CMSS1: variants seen among roughly 807,000 people sequenced by gnomAD.
The protein encoded by CMSS1 is protein CMSS1.
A neutral mutation model predicts 43.5 loss-of-function variants in CMSS1; 33 were observed. The ratio of observed to expected loss-of-function variants is 0.76; its 90% CI spans 0.57 to 1.01. CMSS1 has a LOEUF of 1.01. Among genes scored for constraint, CMSS1 ranks in the 50% least tolerant of loss-of-function variants. The pLI, the probability that CMSS1 is intolerant of heterozygous loss-of-function variation, is 0.00. For synonymous variants in CMSS1, 115 were observed against 117.2 expected, an observed-to-expected ratio of 0.98 and a Z score of 0.12; for missense variants, 313 against 326.4, an observed-to-expected ratio of 0.96 and a Z score of 0.32.
chr3:99,984,156 T>A (rs931094530), intron 1 of CMSS1, among the ~76,000 whole-genome samples: 3 of 152,186 alleles, frequency 2.0e-5, no homozygotes, highest in African/African-American at 7.2e-5. Context: ...CATCACAAAT[T>A]GGCTTAAGCA....
chr3:99,915,240 G>T (rs146282615), intron 1 of CMSS1, among the ~76,000 whole-genome samples: 6 of 152,176 alleles, frequency 3.9e-5, no homozygotes, highest in African/African-American at 1.4e-4. Flanking sequence ...GAGATTAATG[G>T]AAAATAATAG....
intron 1 of CMSS1, among the ~76,000 whole-genome samples, chr3:99,900,784 G>A (rs1706410515): frequency 6.6e-6 from 1 of 152,204 alleles, no homozygotes; most frequent in Non-Finnish European, 1.5e-5. Context: ...TGCTGTTTCA[G>A]CCTCAGAGAT....
chr3:99,883,067 A>G (rs1251007304), intron 1 of CMSS1, among the ~76,000 whole-genome samples: 2 of 152,222 alleles, frequency 1.3e-5, no homozygotes, highest in Non-Finnish European at 1.5e-5. Context: ...CATCCAGTCT[A>G]CATCATAAAA....
At chr3:99,961,198 G>A (rs544888638) in intron 1 of CMSS1, among the ~76,000 whole-genome samples, 2 of 152,236 alleles carry the variant, frequency 1.3e-5, no homozygotes, top group Non-Finnish European at 2.9e-5. Context: ...GGATGAGGGA[G>A]GTGGTGCGGA....
rs1022695064 is a variant in CMSS1, at chr3:99,827,093, C to T, written c.64+9050C>T. On this transcript the variant is annotated intron_variant, in intron 1 of 9. Coordinates refer to ENST00000421999, the MANE Select transcript of CMSS1 (RefSeq NM_032359.4). ...TTTTGAACTCCAAATAGTATTCTCACTTTATAGTTGTATTTGCATTTTTAT... is the reference window on the plus strand; with the variant it reads ...TTTTGAACTCCAAATAGTATTCTCATTTTATAGTTGTATTTGCATTTTTAT... 2.6e-5 allele frequency among the ~76,000 whole-genome samples: 4 copies of T among 152,270 alleles called. No individual in the cohort carries two copies. The South Asian group carries it at 6.2e-4, about 24-fold the overall frequency.
chr3:100,064,210 C>T (rs1237684037), intron 1 of CMSS1, among the ~76,000 whole-genome samples: 1 of 152,112 alleles, frequency 6.6e-6, no homozygotes, highest in Admixed American at 6.6e-5. Context: ...GTATTTAGGA[C>T]GTGTGGTGGA....
At chr3:99,978,892 A>T (rs964234357) in intron 1 of CMSS1, among the ~76,000 whole-genome samples, 48 of 152,218 alleles carry the variant, frequency 3.2e-4, no homozygotes, top group African/African-American at 1.2e-3. Context: ...TTTACAAAAA[A>T]AAAAGAAGCA....
chr3:99,994,932 G>T (rs545158112), intron 1 of CMSS1, among the ~76,000 whole-genome samples: 1 of 152,236 alleles, frequency 6.6e-6, no homozygotes, highest in East Asian at 1.9e-4. Context: ...AATTATGGGA[G>T]TACAATTCAA....
At chr3:99,934,804 TA>T (rs1006142455) in intron 1 of CMSS1, among the ~76,000 whole-genome samples, 3 of 152,128 alleles carry the variant, frequency 2.0e-5, no homozygotes, top group Non-Finnish European at 4.4e-5. Context: ...TCATAAGTGG[TA>T]AAAAAAGGAA....
At chr3:100,088,350 G>A (rs1185557679) in intron 1 of CMSS1, among the ~76,000 whole-genome samples, 6 of 152,088 alleles carry the variant, frequency 3.9e-5, no homozygotes, top group African/African-American at 1.2e-4. Flanking sequence ...ATGGAATACA[G>A]ATACCTAGAT....
chr3:100,125,563 C>T (rs1406173248), intron 1 of CMSS1, among the ~76,000 whole-genome samples: 3 of 152,306 alleles, frequency 2.0e-5, no homozygotes, highest in Non-Finnish European at 2.9e-5. Context: ...TAACTCTAAT[C>T]GCTGACCTCA....
intron 1 of CMSS1, among the ~76,000 whole-genome samples, chr3:99,912,013 GTT>G (rs1706805014): frequency 6.6e-6 from 1 of 151,688 alleles, no homozygotes; most frequent in Non-Finnish European, 1.5e-5. Context: ...AACATTAAAA[GTT>G]TTAATTTTTA....
At chr3:99,880,053 C>T (rs750539191) in intron 1 of CMSS1, among the ~76,000 whole-genome samples, 12 of 152,122 alleles carry the variant, frequency 7.9e-5, no homozygotes, top group African/African-American at 1.9e-4. Context: ...GCCATGGATC[C>T]GATCCTGTGC....
intron 8 of CMSS1, among the ~76,000 whole-genome samples, chr3:100,173,756 T>C (rs1156267702): frequency 1.3e-5 from 2 of 152,110 alleles, no homozygotes; most frequent in Non-Finnish European, 2.9e-5. Context: ...CACATGCACA[T>C]GGTATATCAC....
chr3:100,164,536 A>G (rs952002566), intron 4 of CMSS1, among the ~76,000 whole-genome samples: 1 of 152,194 alleles, frequency 6.6e-6, no homozygotes, highest in African/African-American at 2.4e-5. Context: ...GAAGGAAAAT[A>G]TGTTTGAAAT....
At chr3:100,065,588 T>C (rs2065649759) in intron 1 of CMSS1, among the ~76,000 whole-genome samples, 1 of 152,244 alleles carries the variant, frequency 6.6e-6, no homozygotes, top group South Asian at 2.1e-4. Flanking sequence ...CATCTTACTC[T>C]TTCTTCCTAA....
intron 1 of CMSS1, among the ~76,000 whole-genome samples, chr3:99,864,771 T>G (rs1944429901): frequency 6.6e-6 from 1 of 152,100 alleles, no homozygotes; most frequent in South Asian, 2.1e-4. Context: ...TGTGCTTTTG[T>G]GCTCGCTGTC....
rs200489222 is a variant in CMSS1, at chr3:99,879,144, GA to G, written c.64+61102del. 7.2e-3 allele frequency among the ~76,000 whole-genome samples: 1,101 copies of G among 152,256 alleles called. 19 individuals are homozygous for G. The highest frequency in any genetic ancestry group is 0.024 in the African/African-American group (1,014 of 41,538). On this transcript the variant is annotated intron_variant, in intron 1 of 9. Transcript: ENST00000421999. Reference sequence around the variant, plus strand: ...TCTACAATTAGTAATCTGAGTTTATGATCTAAATCAGCACTAGCTTTAAACT... The same window carrying G: ...TCTACAATTAGTAATCTGAGTTTATGTCTAAATCAGCACTAGCTTTAAACT...
chr3:100,051,770 C>G lies in CMSS1; in HGVS notation c.65-95203C>G, dbSNP rs1007537904. 3.3e-5 allele frequency among the ~76,000 whole-genome samples: 5 copies of G among 151,318 alleles called. No homozygotes were observed. In the East Asian group the frequency reaches 5.8e-4, roughly 18 times the overall value. ...TAGTCGATCATTGTTGGACATTTGG[C>G]TTGGTTCCAAGTCTTTGCTATTGTG... On this transcript the variant is annotated intron_variant, in intron 1 of 9. Coordinates refer to ENST00000421999, the MANE Select transcript of CMSS1 (RefSeq NM_032359.4).
Sources: allele counts gnomAD v4.1 joint callset (sites outside exome capture counted in the v4.1 genomes callset), GRCh38; gene constraint gnomAD v4.1.1; transcripts MANE v1.5; gene names NCBI Gene and HGNC (gene_info 2026-07-23, HGNC 2026-07-21).